TMEM273: variants seen among roughly 807,000 people sequenced by gnomAD.
TMEM273 encodes the protein transmembrane protein 273, also known as chromosome 10 open reading frame 128.
TMEM273 carries 19 observed loss-of-function variants against 17.9 expected under a neutral mutation model. That is an observed-to-expected ratio of 1.06 (90% confidence interval 0.74 to 1.55). The LOEUF is 1.55. Ranked by LOEUF, TMEM273 falls within the 40% of genes most tolerant of loss-of-function variation. The probability of loss-of-function intolerance (pLI) is 0.00; values close to 1 mark genes in which losing one functional copy is unlikely to be tolerated. For missense variants in TMEM273, 194 were observed against 155.6 expected (o/e 1.25, Z -1.31); for synonymous variants, 66 against 62.0 (o/e 1.07, Z -0.31).
At chr10:49,174,857 G>A (rs1027402940) in intron 1 of TMEM273, among the ~76,000 whole-genome samples, 1 of 152,114 alleles carries the variant, frequency 6.6e-6, no homozygotes, top group African/African-American at 2.4e-5. Context: ...CGACCCTGAC[G>A]CTAAGGCTTC....
chr10:49,177,081 G>A (rs749027808), intron 1 of TMEM273, among the ~76,000 whole-genome samples: 43 of 152,172 alleles, frequency 2.8e-4, no homozygotes, highest in Non-Finnish European at 3.4e-4. Context: ...GCAGAAGGAA[G>A]CCAGGCCTGG....
At chr10:49,160,391 G>A (rs1206727421) in intron 6 of TMEM273, 2 of 152,166 alleles carry the variant, frequency 1.3e-5, no homozygotes, top group East Asian at 1.9e-4. Context: ...AGGAGAAAAC[G>A]ATCAGACAAA....
intron 3 of TMEM273, 123 bp from the exon 4 acceptor site, chr10:49,165,919 G>T: frequency 1.6e-6 from 2 of 1,253,220 alleles, no homozygotes; most frequent in Non-Finnish European, 1.1e-6. Context: ...AGAGACCCGG[G>T]GCCTGGCTGC....
chr10:49,170,938 G>A (rs1307662603), intron 1 of TMEM273, among the ~76,000 whole-genome samples: 1 of 152,244 alleles, frequency 6.6e-6, no homozygotes, highest in Non-Finnish European at 1.5e-5. Flanking sequence ...CTGCAAAGTA[G>A]CTGGAGGATG....
chr10:49,176,440 G>A (rs995771397), intron 1 of TMEM273, among the ~76,000 whole-genome samples: 10 of 152,248 alleles, frequency 6.6e-5, no homozygotes, highest in African/African-American at 2.4e-4. Context: ...ACCAGGACAG[G>A]CCTGTTTGCA....
At chr10:49,179,112 C>T (rs958429658) in intron 1 of TMEM273, among the ~76,000 whole-genome samples, 2 of 152,334 alleles carry the variant, frequency 1.3e-5, no homozygotes, top group African/African-American at 4.8e-5. Flanking sequence ...CAGTCCATCT[C>T]ACTAAGAACC....
chr10:49,172,941 C>T (rs935154223), intron 1 of TMEM273, among the ~76,000 whole-genome samples: 2 of 152,248 alleles, frequency 1.3e-5, no homozygotes, highest in African/African-American at 4.8e-5. Flanking sequence ...CCAATTAGCA[C>T]ATTTATTCTT....
At chr10:49,187,382 C>T (rs368754413) in intron 1 of TMEM273, among the ~76,000 whole-genome samples, 2 of 152,184 alleles carry the variant, frequency 1.3e-5, no homozygotes, top group African/African-American at 4.8e-5. Flanking sequence ...TAACTTTGCC[C>T]GCATTCAGGA....
At chr10:49,172,826 A>G (rs139999088) in intron 1 of TMEM273, among the ~76,000 whole-genome samples, 2 of 152,304 alleles carry the variant, frequency 1.3e-5, no homozygotes, top group Non-Finnish European at 2.9e-5. Context: ...GGCATCTGCC[A>G]ATTTCTAGGG....
At chr10:49,165,457 C>G in intron 4 of TMEM273, 174 bp from the exon 5 acceptor site, 1 of 1,471,848 alleles carries the variant, frequency 6.8e-7, no homozygotes, top group Non-Finnish European at 9.0e-7. Context: ...GGCTGGAGGC[C>G]TCATTCTGAA....
At chr10:49,173,392 C>G (rs967970514) in intron 1 of TMEM273, among the ~76,000 whole-genome samples, 32 of 152,224 alleles carry the variant, frequency 2.1e-4, no homozygotes, top group Non-Finnish European at 4.4e-5. Context: ...CTATACCACA[C>G]AGCCCCACAC....
At chr10:49,178,951 T>C (rs1183685453) in intron 1 of TMEM273, among the ~76,000 whole-genome samples, 3 of 152,162 alleles carry the variant, frequency 2.0e-5, no homozygotes. Flanking sequence ...CAGCTCCAGG[T>C]CCTTCACCTC....
chr10:49,158,312 T>G (rs1448359051), intron 6 of TMEM273, among the ~76,000 whole-genome samples: 1 of 152,156 alleles, frequency 6.6e-6, no homozygotes. Context: ...TCTTTTTTTT[T>G]TTCTGTGTGT....
At chr10:49,172,922 C>G (rs78078815) in intron 1 of TMEM273, among the ~76,000 whole-genome samples, 1 of 152,240 alleles carries the variant, frequency 6.6e-6, no homozygotes, top group Non-Finnish European at 1.5e-5. Flanking sequence ...ATGTGTGAAC[C>G]CTGCCTGACC....
rs12246080 is a variant in TMEM273 at position 49,169,364 on chromosome 10, A to G, written c.44-1402T>C. ...CCAACCCTGTCTGCTGACCACACTC[A>G]GTGATGCCCAGAGTGGCGTGGTAGG... On this transcript the variant is annotated intron_variant, in intron 1 of 6. Coordinates refer to ENST00000374153, the MANE Select transcript of TMEM273 (RefSeq NM_001288740.3). 8.8e-3 allele frequency among the ~76,000 whole-genome samples: 1,344 copies of G among 152,296 alleles called. 20 individuals are homozygous for G. Among genetic ancestry groups the G allele is most frequent in the African/African-American group, 0.031 (1,282 of 41,546 alleles).
chr10:49,177,817 G>C (rs1288452196), intron 1 of TMEM273, among the ~76,000 whole-genome samples: 2 of 152,084 alleles, frequency 1.3e-5, no homozygotes, highest in African/African-American at 4.8e-5. Context: ...GGCCTTGCCT[G>C]TCCAACACTG....
chr10:49,178,227 C>T (rs992213932), intron 1 of TMEM273: 4 of 457,284 alleles, frequency 8.7e-6, no homozygotes, highest in Non-Finnish European at 1.8e-5. Context: ...GTAGTCCATG[C>T]TGCCCTTGCC....
At chr10:49,178,448 CT>C (rs1847138375) in intron 1 of TMEM273, 2 of 379,520 alleles carry the variant, frequency 5.3e-6, no homozygotes, top group East Asian at 1.5e-4. Flanking sequence ...GGGAGTATCT[CT>C]ATGACCCTGG....
chr10:49,168,849 A>C (rs73304793), intron 1 of TMEM273, among the ~76,000 whole-genome samples: 65,931 of 151,818 alleles, frequency 0.43, 15,280 homozygotes, highest in African/African-American at 0.6. Flanking sequence ...AGTGATCCAG[A>C]GGTGAGGTCC....
Sources: allele counts gnomAD v4.1 joint callset (sites outside exome capture counted in the v4.1 genomes callset), GRCh38; gene constraint gnomAD v4.1.1; transcripts MANE v1.5; gene names NCBI Gene and HGNC (gene_info 2026-07-23, HGNC 2026-07-21).